MLLT1: variants seen among roughly 807,000 people sequenced by gnomAD.
The protein encoded by MLLT1 is protein ENL.
A neutral mutation model predicts 55.1 loss-of-function variants in MLLT1; 11 were observed. That is an observed-to-expected ratio of 0.20 (90% CI 0.13 to 0.33). The LOEUF (loss-of-function observed/expected upper bound fraction) is 0.33, where lower values mean the gene tolerates loss of function less well. Among genes scored for constraint, MLLT1 ranks in the 10% least tolerant of loss-of-function variants. The probability of loss-of-function intolerance (pLI) is 1.00; values close to 1 mark genes in which losing one functional copy is unlikely to be tolerated. For synonymous variants in MLLT1, 323 were observed against 320.1 expected (o/e 1.01, Z -0.10); for missense variants, 536 against 760.6 (o/e 0.70, Z 3.47).
intron 4 of MLLT1, among the ~76,000 whole-genome samples, chr19:6,228,510 C>T (rs1019162871): frequency 3.9e-5 from 6 of 152,178 alleles, no homozygotes; most frequent in African/African-American, 1.4e-4. Flanking sequence ...AGAGACAAGA[C>T]ACGGTCCTAA....
intron 5 of MLLT1, among the ~76,000 whole-genome samples, chr19:6,223,007 C>T (rs923912463): frequency 1.3e-5 from 2 of 152,204 alleles, no homozygotes; most frequent in Admixed American, 6.5e-5. Context: ...CGCCCGCACC[C>T]GCCCGCCCTA....
In MLLT1 at chr19:6,226,430, G is replaced by A. The variant is rs1319314602; in HGVS notation, c.546+547C>T. Among the ~76,000 whole-genome samples the A allele has an allele frequency of 2.6e-5, 4 of 152,238 alleles. No homozygotes were observed. Among genetic ancestry groups the A allele is most frequent in the African/African-American group, 7.2e-5 (3 of 41,468 alleles). On this transcript the variant is annotated intron_variant, in intron 5 of 11. Coordinates refer to ENST00000252674, the MANE Select transcript of MLLT1 (RefSeq NM_005934.4). This position sits in a 1 kb window ranked among gnomAD's most constrained non-coding sequence, Gnocchi z 6.3. ...AAGGCCGAGTGCCACCCACCTGACC[G>A]ACTGGGCCGAGATGAGACCGTAAAA...
intron 3 of MLLT1, among the ~76,000 whole-genome samples, chr19:6,247,976 T>C (rs1600200369): frequency 6.6e-6 from 1 of 152,114 alleles, no homozygotes; most frequent in East Asian, 1.9e-4. Context: ...CTGCAACCTC[T>C]TCCTCCTGGG....
At chr19:6,243,708 C>G (rs964446231) in intron 3 of MLLT1, among the ~76,000 whole-genome samples, 1 of 152,108 alleles carries the variant, frequency 6.6e-6, no homozygotes, top group African/African-American at 2.4e-5. Context: ...AGCTGCCCCT[C>G]CCCCTAGAAG....
At chr19:6,265,038 C>CAAAAAAAAAAAAAAA (rs928827048) in intron 2 of MLLT1, among the ~76,000 whole-genome samples, 17 of 21,188 alleles carry the variant, frequency 8.0e-4, no homozygotes, top group African/African-American at 1.2e-3. Context: ...TAGTGAACAG[C>CAAAAAAAAAAAAAAA]AAAAAAAAAA....
chr19:6,214,831 C>T (rs1033279589), intron 8 of MLLT1, among the ~76,000 whole-genome samples: 5 of 152,306 alleles, frequency 3.3e-5, no homozygotes, highest in East Asian at 3.9e-4. Context: ...GTGCCAGAAG[C>T]GGCTCGAGCA....
Position 6,213,187 on chromosome 19 carries a change from G to A in MLLT1, c.1552-17C>T. The A allele has an allele frequency of 2.5e-6, 4 of 1,613,876 alleles. No individual in the cohort carries two copies. The highest frequency in any genetic ancestry group is 3.4e-6 in the Non-Finnish European group (4 of 1,179,834). The stretch of plus-strand genomic sequence containing the variant: ...ATTCACAATCTGTAAGGTGGTGGCA[G>A]GTGGCTTCAGGGGCAGGGGGCCAAG... On this transcript the variant is annotated splice_polypyrimidine_tract_variant and intron_variant, in intron 11 of 11. Coordinates refer to ENST00000252674, the MANE Select transcript of MLLT1 (RefSeq NM_005934.4).
rs1327253057 is a variant in MLLT1, at chr19:6,212,992, C to T, written c.*50G>A. Reference sequence around the variant, plus strand: ...GGAGAGGAGGGCAGGCGAGGCCTGGCTGCAGCCTCCCAGGACCCCGGCGGT... The same window carrying T: ...GGAGAGGAGGGCAGGCGAGGCCTGGTTGCAGCCTCCCAGGACCCCGGCGGT... On this transcript the variant is annotated 3_prime_UTR_variant, in exon 12 of 12. Coordinates refer to ENST00000252674, the MANE Select transcript of MLLT1 (RefSeq NM_005934.4). The T allele has an allele frequency of 6.2e-7, 1 of 1,602,168 alleles. No individual in the cohort carries two copies. Among genetic ancestry groups the T allele is most frequent in the Non-Finnish European group, 8.5e-7 (1 of 1,173,728 alleles).
At chr19:6,276,593 G>A (rs1414850873) in intron 1 of MLLT1, among the ~76,000 whole-genome samples, 1 of 152,066 alleles carries the variant, frequency 6.6e-6, no homozygotes, top group African/African-American at 2.4e-5. Flanking sequence ...CCCGTGACCT[G>A]CTCTCAGGCC....
At chr19:6,247,019 C>CACAGT (rs1385159513) in intron 3 of MLLT1, among the ~76,000 whole-genome samples, 1 of 152,186 alleles carries the variant, frequency 6.6e-6, no homozygotes. Context: ...GGTAAACAAA[C>CACAGT]ACAGTACAGA....
In MLLT1 at chr19:6,228,869, G is replaced by A. The variant is rs76003529; in HGVS notation, c.420+1701C>T. ...AGAGGGCAGAGCGCCCAGCGCCTGGGGCAGAGACCCCCCACGGCGCCTGCT... is the reference window on the plus strand; with the variant it reads ...AGAGGGCAGAGCGCCCAGCGCCTGGAGCAGAGACCCCCCACGGCGCCTGCT... On this transcript the variant is annotated intron_variant, in intron 4 of 11. Coordinates refer to ENST00000252674, the MANE Select transcript of MLLT1 (RefSeq NM_005934.4). Among the ~76,000 whole-genome samples, 10 of 152,250 alleles carry A rather than the reference G, an allele frequency of 6.6e-5. No individual in the cohort carries two copies. The East Asian group carries it at 1.9e-3, about 30-fold the overall frequency.
At chr19:6,221,894 G>A (rs2090901147) in intron 6 of MLLT1, among the ~76,000 whole-genome samples, 1 of 152,234 alleles carries the variant, frequency 6.6e-6, no homozygotes. Context: ...ATGCCACCGA[G>A]GAGGCGAGGA....
chr19:6,241,583 G>A (rs76324032), intron 3 of MLLT1, among the ~76,000 whole-genome samples: 4,329 of 152,334 alleles, frequency 0.028, 69 homozygotes, highest in Non-Finnish European at 0.044. Context: ...CCGTCCCACC[G>A]TCCCAGCCTT....
intron 3 of MLLT1, among the ~76,000 whole-genome samples, chr19:6,255,875 C>T (rs1225541940): frequency 1.3e-5 from 2 of 152,204 alleles, no homozygotes; most frequent in Non-Finnish European, 2.9e-5. Context: ...ACCTGTAATT[C>T]CAGCATTTTC....
intron 2 of MLLT1, among the ~76,000 whole-genome samples, chr19:6,265,619 A>T (rs1226279446): frequency 7.0e-6 from 1 of 143,676 alleles, no homozygotes; most frequent in Non-Finnish European, 1.5e-5. Flanking sequence ...GCAGTGAGCC[A>T]AGATCGCGCC....
At chr19:6,215,358 G>A (rs990173257) in intron 8 of MLLT1, among the ~76,000 whole-genome samples, 7 of 152,184 alleles carry the variant, frequency 4.6e-5, no homozygotes, top group South Asian at 2.1e-4. Flanking sequence ...GAATGTCACC[G>A]AACGAGGCGG....
At chr19:6,218,465 T>C (rs2144852042) in intron 6 of MLLT1, among the ~76,000 whole-genome samples, 1 of 152,352 alleles carries the variant, frequency 6.6e-6, no homozygotes, top group African/African-American at 2.4e-5. Flanking sequence ...AAGCTGGGTG[T>C]GGACACTTCT....
chr19:6,229,895 G>A lies in MLLT1; in HGVS notation c.420+675C>T, dbSNP rs918739625. On this transcript the variant is annotated intron_variant, in intron 4 of 11. Coordinates refer to ENST00000252674, the MANE Select transcript of MLLT1 (RefSeq NM_005934.4). The surrounding 1 kb of genome is among the most constrained non-coding windows in gnomAD (Gnocchi z 5.2). ...GACACACAACACGCCACCCCAGCCC[G>A]CTCCATCACAGGCTCAGGCTGGCAC... 3.9e-5 allele frequency among the ~76,000 whole-genome samples: 6 copies of A among 152,124 alleles called. No individual in the cohort carries two copies. Among genetic ancestry groups the A allele is most frequent in the East Asian group, 1.9e-4 (1 of 5,182 alleles).
chr19:6,225,032 A>G (rs1801851868), intron 5 of MLLT1, among the ~76,000 whole-genome samples: 1 of 152,226 alleles, frequency 6.6e-6, no homozygotes, highest in African/African-American at 2.4e-5. Flanking sequence ...AGCCATCAAA[A>G]TCACGTTTGC....
Sources: gnomAD v4.1 joint callset for allele counts (sites outside exome capture counted in the v4.1 genomes callset) on GRCh38, gnomAD v4.1.1 for gene constraint, Gnocchi (gnomAD v3.1) non-coding constraint, MANE v1.5 for transcripts, NCBI Gene and HGNC (gene_info 2026-07-23, HGNC 2026-07-21) for gene names.